The following MNT variants were observed in gnomAD, a reference collection of about 807,000 sequenced individuals.
MNT encodes max-binding protein MNT.
Under a neutral mutation model 40.7 loss-of-function variants are expected in MNT, and 13 were observed. The ratio of observed to expected loss-of-function variants is 0.32; its 90% CI spans 0.21 to 0.51. MNT has a LOEUF of 0.51. Among genes scored for constraint, MNT ranks in the 20% least tolerant of loss-of-function variants. The pLI, the probability that MNT is intolerant of heterozygous loss-of-function variation, is 0.98. For missense variants in MNT, 757 were observed against 792.0 expected (o/e 0.96, Z 0.53); for synonymous variants, 426 against 354.8 (o/e 1.20, Z -2.26).
rs372083393 is a variant in MNT, at chr17:2,395,460, C to A, written c.74-6G>T. On this transcript the variant is annotated splice_polypyrimidine_tract_variant and splice_region_variant and intron_variant, in intron 1 of 5. Transcript: ENST00000174618. The stretch of plus-strand genomic sequence containing the variant: ...GCGAAGCCGCTCCTGCTCCTCTACA[C>A]AGAGAGAACACAAGGGGGGGAGGGT... 10 of 1,611,016 alleles carry A rather than the reference C, an allele frequency of 6.2e-6. No individual in the cohort carries two copies. The highest frequency in any genetic ancestry group is 7.6e-6 in the Non-Finnish European group (9 of 1,179,848).
chr17:2,391,548 C>T (rs181940832), intron 4 of MNT: 4 of 152,406 alleles, frequency 2.6e-5, no homozygotes, highest in African/African-American at 9.6e-5. Flanking sequence ...CAATCTAAAC[C>T]CATTTCCTTT....
At chr17:2,389,265 AT>A (rs1368911758) in intron 4 of MNT, 42 of 142,102 alleles carry the variant, frequency 3.0e-4, no homozygotes, top group South Asian at 1.1e-3. Context: ...CTCTCCCTCA[AT>A]TTTTTTTTTT....
intron 4 of MNT, chr17:2,391,056 T>G (rs1346915734): frequency 6.6e-6 from 1 of 152,522 alleles, no homozygotes; most frequent in Non-Finnish European, 1.5e-5. Context: ...TGGCATGATC[T>G]CGGCTCACTG....
At chr17:2,393,990 CGGCGGAGGGAG>C in intron 4 of MNT, 42 bp downstream of exon 4, 1 of 1,312,408 alleles carries the variant, frequency 7.6e-7, no homozygotes, top group Admixed American at 2.3e-5. Flanking sequence ...GGGGGAGGGG[CGGCGGAGGGAG>C]GGCGGGGGAA....
rs1284800547 is a variant in MNT, at chr17:2,388,059, A to G, written c.808-10T>C. On this transcript the variant is annotated splice_polypyrimidine_tract_variant and intron_variant, in intron 4 of 5. Transcript: ENST00000174618. ...CCTTCCTCTTCAGGGACTGGCACAC[A>G]GAGTAAGGGACAGCAGGACACCCTG... 1.9e-6 allele frequency: 3 copies of G among 1,550,348 alleles called. No homozygotes were observed. The African/African-American group carries it at 4.1e-5, about 21-fold the overall frequency.
In MNT at chr17:2,395,172, CGAG is replaced by C. The variant is rs976863495; in HGVS notation, c.353_355del (p.Pro118del). 9 of 1,408,570 alleles carry C rather than the reference CGAG, an allele frequency of 6.4e-6. No homozygotes were observed. The African/African-American group carries it at 6.5e-5, about 10-fold the overall frequency. 87.3% of individuals were successfully genotyped at this position (1,408,570 alleles called of 1,614,324 possible). A position where few individuals can be genotyped will look rare whatever the true frequency, so the allele number is the denominator to read the frequency against. On this transcript the variant is annotated inframe_deletion, in exon 2 of 6. Coordinates refer to ENST00000174618, the MANE Select transcript of MNT (RefSeq NM_020310.3). ...GGGGGCGCCAACCAGGGCCGGCTGA[CGAG>C]GCGCCAGGGGCAGAGGCTGGGCTGC...
chr17:2,387,048 G>T lies in MNT; in HGVS notation c.1602C>A (p.Gly534=). 1 of 1,555,652 alleles carries T rather than the reference G, an allele frequency of 6.4e-7. No homozygotes were observed. Among genetic ancestry groups the T allele is most frequent in the East Asian group, 2.4e-5 (1 of 41,742 alleles). ...CCATGACAGTAGCCGGGGGCCCCAG[G>T]CCGGCCGTGCCGTTGACTTGCTGGT... ...LSHQQVNGTA[G]LGPPATVMAK... is the part of the protein sequence containing the mutation. Residue 534 remains glycine (G), a synonymous_variant, in exon 6 of 6, where the codon GGC becomes GGA. Coordinates refer to ENST00000174618, the MANE Select transcript of MNT (RefSeq NM_020310.3).
chr17:2,396,901 T>C (rs142948118), intron 1 of MNT: 1 of 152,272 alleles, frequency 6.6e-6, no homozygotes, highest in African/African-American at 2.4e-5. Context: ...TAAGGCCCCC[T>C]GGGGAGGAGA....
rs896870839 is a variant in MNT, at chr17:2,385,968, G to A, written c.*933C>T. On this transcript the variant is annotated 3_prime_UTR_variant, in exon 6 of 6. Coordinates refer to ENST00000174618, the MANE Select transcript of MNT (RefSeq NM_020310.3). Reference sequence around the variant, plus strand: ...GAGCAGTGCCCAGCACTCAGCAGAGGTCAGAGATCAGGGGCTGAACGCAGG... The same window carrying A: ...GAGCAGTGCCCAGCACTCAGCAGAGATCAGAGATCAGGGGCTGAACGCAGG... 2 of 152,454 alleles carry A rather than the reference G, an allele frequency of 1.3e-5. No homozygotes were observed. Among genetic ancestry groups the A allele is most frequent in the African/African-American group, 4.8e-5 (2 of 41,588 alleles). The allele number at this position is 152,454 out of a possible 1,614,324, so 9.4% of individuals were successfully genotyped here.
Position 2,387,052 on chromosome 17 carries a change from G to A in MNT, c.1598C>T (p.Ala533Val). The change falls in exon 6 of 6, where the codon GCC becomes GTC. Residue 533 changes from alanine (A) to valine (V), a missense_variant. Physicochemically the swap from Ala to Val is moderately conservative, Grantham distance 64. Coordinates refer to ENST00000174618, the MANE Select transcript of MNT (RefSeq NM_020310.3). ...GACAGTAGCCGGGGGCCCCAGGCCG[G>A]CCGTGCCGTTGACTTGCTGGTGCGA... is the stretch of plus-strand genomic sequence containing the variant. ...TLSHQQVNGT[A>V]GLGPPATVMA... 1 of 1,557,442 alleles carries A rather than the reference G, an allele frequency of 6.4e-7. No homozygotes were observed. Among genetic ancestry groups the A allele is most frequent in the Non-Finnish European group, 8.7e-7 (1 of 1,150,476 alleles).
chr17:2,395,200 C>T lies in MNT; in HGVS notation c.328G>A (p.Ala110Thr). ...PLPPPPPLPA[A>T]AQPLPLAPRQ... ...GGCGCCAGGGGCAGAGGCTGGGCTG[C>T]CGCGGGCAAGGGTGGGGGTGGGGGT... is the stretch of plus-strand genomic sequence containing the variant. Residue 110 changes from alanine (A) to threonine (T), a missense_variant, in exon 2 of 6, where the codon GCA (alanine) becomes ACA (threonine). Physicochemically the swap from Ala to Thr is moderately conservative, Grantham distance 58 (BLOSUM62 0). This residue lies in a region of MNT where 335 missense variants were observed against 291.4 expected (regional missense o/e 1.15). Coordinates refer to ENST00000174618, the MANE Select transcript of MNT (RefSeq NM_020310.3). 2 of 1,459,374 alleles carry T rather than the reference C, an allele frequency of 1.4e-6. No homozygotes were observed. Among genetic ancestry groups the T allele is most frequent in the Admixed American group, 2.6e-5 (1 of 38,796 alleles). 90.4% of individuals were successfully genotyped at this position (1,459,374 alleles called of 1,614,324 possible).
chr17:2,396,209 G>T (rs1290777701), intron 1 of MNT, among the ~76,000 whole-genome samples: 5 of 152,208 alleles, frequency 3.3e-5, no homozygotes, highest in African/African-American at 4.8e-5. Context: ...CCGAGGCTAG[G>T]TCCCAATGCC....
chr17:2,395,818 A>T (rs757010099), intron 1 of MNT, among the ~76,000 whole-genome samples: 1 of 150,868 alleles, frequency 6.6e-6, no homozygotes, highest in Non-Finnish European at 1.5e-5. Flanking sequence ...AAGGCGGGTG[A>T]GGGCAGCGAG....
intron 1 of MNT, among the ~76,000 whole-genome samples, chr17:2,399,097 G>T (rs1198505674): frequency 6.6e-6 from 1 of 151,730 alleles, no homozygotes; most frequent in East Asian, 1.9e-4. Context: ...CATCATTGAA[G>T]CAACAATAGG....
intron 1 of MNT, among the ~76,000 whole-genome samples, chr17:2,399,378 C>T (rs779752632): frequency 3.5e-4 from 53 of 152,314 alleles, no homozygotes; most frequent in Non-Finnish European, 5.9e-4. Context: ...CTTTCTCATC[C>T]TGGCTCATTC....
Position 2,385,116 on chromosome 17 carries a change from A to G in MNT, c.*1785T>C, listed in dbSNP as rs2066447172. ...CAGGGCTCAGCCTCTGAGGATGGTGACCTGGTTTGTAACTGTCCCTTTACC... is the reference window on the plus strand; with the variant it reads ...CAGGGCTCAGCCTCTGAGGATGGTGGCCTGGTTTGTAACTGTCCCTTTACC... On this transcript the variant is annotated 3_prime_UTR_variant, in exon 6 of 6. Transcript: ENST00000174618. 6.6e-6 allele frequency: 1 copy of G among 152,178 alleles called. No individual in the cohort carries two copies. The allele number at this position is 152,178 out of a possible 1,614,324, so 9.4% of individuals were successfully genotyped here. A position where few individuals can be genotyped will look rare whatever the true frequency, so the allele number is the denominator to read the frequency against.
rs2066449598 is a variant in MNT at position 2,385,379 on chromosome 17, C to T, written c.*1522G>A. The T allele has an allele frequency of 6.6e-6, 1 of 152,292 alleles. No individual in the cohort carries two copies. Among genetic ancestry groups the T allele is most frequent in the Admixed American group, 6.5e-5 (1 of 15,288 alleles). The allele number at this position is 152,292 out of a possible 1,614,324, so 9.4% of individuals were successfully genotyped here. ...CCCCAGCCCATCAGTGTGAGCTTCACATCCAGGGACACCGGCTTCCTCCCG... is the reference window on the plus strand; with the variant it reads ...CCCCAGCCCATCAGTGTGAGCTTCATATCCAGGGACACCGGCTTCCTCCCG... On this transcript the variant is annotated 3_prime_UTR_variant, in exon 6 of 6. Transcript: ENST00000174618.
In MNT at chr17:2,387,032, T is replaced by C. The variant is rs2066468592; in HGVS notation, c.1618A>G (p.Thr540Ala). The C allele has an allele frequency of 1.9e-6, 3 of 1,550,660 alleles. No individual in the cohort carries two copies. Among genetic ancestry groups the C allele is most frequent in the South Asian group, 1.2e-5 (1 of 83,542 alleles). The change falls in exon 6 of 6, where the codon ACT becomes GCT. Residue 540 changes from threonine (T) to alanine (A), a missense_variant. Coordinates refer to ENST00000174618, the MANE Select transcript of MNT (RefSeq NM_020310.3). Reference sequence around the variant, plus strand: ...CCCACGGCCGGCTTTGCCATGACAGTAGCCGGGGGCCCCAGGCCGGCCGTG... The same window carrying C: ...CCCACGGCCGGCTTTGCCATGACAGCAGCCGGGGGCCCCAGGCCGGCCGTG... ...NGTAGLGPPA[T>A]VMAKPAVGAQ...
chr17:2,399,987 C>A (rs2066603366), intron 1 of MNT, among the ~76,000 whole-genome samples: 2 of 152,320 alleles, frequency 1.3e-5, no homozygotes, highest in Admixed American at 6.5e-5. Context: ...CTCTGGGAGG[C>A]GGGGTCAGGC....
Sources: allele counts gnomAD v4.1 joint callset (sites outside exome capture counted in the v4.1 genomes callset), GRCh38; gene constraint gnomAD v4.1.1; regional missense constraint gnomAD v4.1.1; transcripts MANE v1.5; gene names NCBI Gene and HGNC (gene_info 2026-07-23, HGNC 2026-07-21).